PRKCE: variants seen among roughly 807,000 people sequenced by gnomAD.
PRKCE encodes protein kinase C epsilon.
Under a neutral mutation model 85.4 loss-of-function variants are expected in PRKCE, and 16 were observed. The observed-to-expected ratio is 0.19, with a 90% confidence interval of 0.13 to 0.28. PRKCE has a LOEUF of 0.28. Ranked by LOEUF, PRKCE falls within the 10% of genes least tolerant of loss-of-function variation. The pLI is 1.00. For missense variants in PRKCE, 573 were observed against 975.2 expected (o/e 0.59, Z 5.49); for synonymous variants, 388 against 371.5 (o/e 1.04, Z -0.51).
At position 45,958,637 on chromosome 2, in the gene PRKCE, A is replaced by T. The variant is rs1361332975; in HGVS notation, c.413-17792A>T. ...TCACACACCCCCTATGCTCCCTGCC[A>T]TATATATTGTGGTGAGAGAGGGAGT... On this transcript the variant is annotated intron_variant, in intron 2 of 14. Coordinates refer to ENST00000306156, the MANE Select transcript of PRKCE (RefSeq NM_005400.3). 7.3e-5 allele frequency among the ~76,000 whole-genome samples: 11 copies of T among 149,828 alleles called. No individual in the cohort carries two copies. In the East Asian group the frequency reaches 1.4e-3, roughly 19 times the overall value.
At chr2:46,097,728 T>C (rs1670846706) in intron 11 of PRKCE, among the ~76,000 whole-genome samples, 1 of 152,296 alleles carries the variant, frequency 6.6e-6, no homozygotes, top group African/African-American at 2.4e-5. Flanking sequence ...GATGAAGAGC[T>C]TGTCCCCTAC....
chr2:45,674,091 T>G (rs1466647672), intron 1 of PRKCE, among the ~76,000 whole-genome samples: 2 of 152,196 alleles, frequency 1.3e-5, no homozygotes, highest in African/African-American at 4.8e-5. Flanking sequence ...TTGGAAAATA[T>G]TTTTTAAAAG....
chr2:46,150,465 C>T (rs976582047), intron 12 of PRKCE, among the ~76,000 whole-genome samples: 9 of 152,094 alleles, frequency 5.9e-5, no homozygotes, highest in African/African-American at 1.9e-4. Flanking sequence ...TTAGAATATG[C>T]AAGAGTATAG....
intron 10 of PRKCE, 125 bp downstream of exon 10, chr2:46,010,642 T>A (rs527810245): frequency 1.4e-4 from 223 of 1,599,178 alleles, no homozygotes; most frequent in Non-Finnish European, 1.8e-4. Context: ...GTTTTACCCT[T>A]GAAAAGATCA....
chr2:45,878,631 T>C (rs1421823345), intron 2 of PRKCE, among the ~76,000 whole-genome samples: 3 of 152,236 alleles, frequency 2.0e-5, no homozygotes, highest in Non-Finnish European at 4.4e-5. Flanking sequence ...TAACAATTTT[T>C]TCTAGCATTT....
chr2:46,052,779 G>C (rs923641215), intron 10 of PRKCE, among the ~76,000 whole-genome samples: 2 of 152,234 alleles, frequency 1.3e-5, no homozygotes, highest in Non-Finnish European at 2.9e-5. Flanking sequence ...AATCACAGTA[G>C]TGTGGTACTG....
At chr2:45,885,617 C>T (rs1417023085) in intron 2 of PRKCE, among the ~76,000 whole-genome samples, 1 of 152,214 alleles carries the variant, frequency 6.6e-6, no homozygotes, top group South Asian at 2.1e-4. Flanking sequence ...TTGGGCAGTG[C>T]ATAATCGTAG....
chr2:45,732,387 TTA>T (rs1350396595), intron 1 of PRKCE, among the ~76,000 whole-genome samples: 19 of 152,178 alleles, frequency 1.2e-4, no homozygotes, highest in Admixed American at 1.0e-3. Context: ...CAGGGCAGAT[TTA>T]TGTTTCAGAG....
intron 1 of PRKCE, among the ~76,000 whole-genome samples, chr2:45,838,402 A>G (rs1691068220): frequency 6.6e-6 from 1 of 152,202 alleles, no homozygotes; most frequent in African/African-American, 2.4e-5. Flanking sequence ...AAAGTAGAGA[A>G]TATTGCTGTC....
At chr2:45,966,268 G>T (rs1398523165) in intron 2 of PRKCE, among the ~76,000 whole-genome samples, 1 of 152,188 alleles carries the variant, frequency 6.6e-6, no homozygotes, top group African/African-American at 2.4e-5. Context: ...TGTGTAACAT[G>T]ACCGCAGGTG....
At position 46,169,422 on chromosome 2, in the gene PRKCE, T is replaced by C. The variant is rs999783126; in HGVS notation, c.2067+9670T>C. On this transcript the variant is annotated intron_variant, in intron 14 of 14. Transcript: ENST00000306156. ...CATAGCAGCAGCCCTTCACCCTCCATGTTCCTCTGGCTACTCCTTTCTGGA... is the reference window on the plus strand; with the variant it reads ...CATAGCAGCAGCCCTTCACCCTCCACGTTCCTCTGGCTACTCCTTTCTGGA... 7.9e-5 allele frequency among the ~76,000 whole-genome samples: 12 copies of C among 152,214 alleles called. No individual in the cohort carries two copies. In the East Asian group the frequency reaches 1.2e-3, roughly 15 times the overall value.
At chr2:46,021,541 C>A (rs1706660965) in intron 10 of PRKCE, among the ~76,000 whole-genome samples, 2 of 152,208 alleles carry the variant, frequency 1.3e-5, no homozygotes, top group Admixed American at 6.5e-5. Context: ...ATAGTCCTCC[C>A]TTTAGCACTT....
At chr2:45,726,275 C>A (rs1681064250) in intron 1 of PRKCE, among the ~76,000 whole-genome samples, 1 of 152,176 alleles carries the variant, frequency 6.6e-6, no homozygotes, top group Non-Finnish European at 1.5e-5. Context: ...AACAGTGTCA[C>A]ATGCTACAGA....
chr2:45,665,052 A>G (rs1249872310), intron 1 of PRKCE, among the ~76,000 whole-genome samples: 1 of 152,266 alleles, frequency 6.6e-6, no homozygotes, highest in African/African-American at 2.4e-5. Flanking sequence ...GAGTAACAAG[A>G]GTTGAAGCAT....
intron 11 of PRKCE, among the ~76,000 whole-genome samples, chr2:46,111,931 T>A (rs779834705): frequency 3.3e-4 from 50 of 152,204 alleles, no homozygotes; most frequent in Non-Finnish European, 6.0e-4. Flanking sequence ...CCACCAGCAA[T>A]GTATGAAGGC....
chr2:46,155,268 G>T lies in PRKCE; in HGVS notation c.1920+4039G>T, dbSNP rs183524495. ...AAATGATTACAACTAGTTCAACTGA[G>T]AGCCAAGGAAAACTTTGACCTGGGT... On this transcript the variant is annotated intron_variant, in intron 13 of 14. Coordinates refer to ENST00000306156, the MANE Select transcript of PRKCE (RefSeq NM_005400.3). This position sits in a 1 kb window ranked among gnomAD's most constrained non-coding sequence, Gnocchi z 4.7. 3.3e-5 allele frequency among the ~76,000 whole-genome samples: 5 copies of T among 152,258 alleles called. No homozygotes were observed. Among genetic ancestry groups the T allele is most frequent in the East Asian group, 3.9e-4 (2 of 5,180 alleles).
intron 14 of PRKCE, among the ~76,000 whole-genome samples, chr2:46,168,860 G>T (rs575928553): frequency 1.3e-5 from 2 of 152,282 alleles, no homozygotes; most frequent in South Asian, 4.1e-4. Context: ...CTTGGGTCTT[G>T]CAGAAGATCC....
chr2:45,869,704 C>CTTTTTTTTTTT (rs1246509613), intron 2 of PRKCE, among the ~76,000 whole-genome samples: 1 of 116,862 alleles, frequency 8.6e-6, no homozygotes, highest in Non-Finnish European at 1.8e-5. Context: ...GTTTCTCTCT[C>CTTTTTTTTTTT]TCTTTTTTTT....
chr2:46,083,964 G>A (rs1360773686), intron 10 of PRKCE, among the ~76,000 whole-genome samples: 1 of 152,222 alleles, frequency 6.6e-6, no homozygotes, highest in African/African-American at 2.4e-5. Flanking sequence ...CACCTGAGGA[G>A]CTTTCACAAT....
Sources: allele counts gnomAD v4.1 joint callset (sites outside exome capture counted in the v4.1 genomes callset), GRCh38; gene constraint gnomAD v4.1.1; non-coding constraint Gnocchi (gnomAD v3.1); transcripts MANE v1.5; gene names NCBI Gene and HGNC (gene_info 2026-07-23, HGNC 2026-07-21).